Variants in BNC2 observed in about 807,000 individuals in gnomAD.
BNC2 encodes the protein zinc finger protein basonuclin-2.
BNC2 carries 20 observed loss-of-function variants against 76.3 expected under a neutral mutation model. The observed-to-expected ratio is 0.26, with a 90% CI of 0.18 to 0.38. The LOEUF is 0.38. Among genes scored for constraint, BNC2 ranks in the 10% least tolerant of loss-of-function variants. BNC2 has a pLI of 1.00. For missense variants in BNC2, 1,382 were observed against 1,399.8 expected (o/e 0.99, Z 0.20); for synonymous variants, 582 against 514.8 (o/e 1.13, Z -1.77).
intron 1 of BNC2, among the ~76,000 whole-genome samples, chr9:16,841,630 A>G (rs10810643): frequency 0.19 from 28,746 of 152,108 alleles, 3,136 homozygotes; most frequent in East Asian, 0.36. Flanking sequence ...GGTATTCACC[A>G]TGCCTTCTTA....
At chr9:16,730,345 A>G (rs1279512706) in intron 2 of BNC2, among the ~76,000 whole-genome samples, 1 of 152,176 alleles carries the variant, frequency 6.6e-6, no homozygotes, top group Non-Finnish European at 1.5e-5. Context: ...CATTAGGGCA[A>G]AACTGAGAAA....
intron 5 of BNC2, among the ~76,000 whole-genome samples, chr9:16,527,795 G>C (rs151244700): frequency 6.4e-4 from 98 of 152,288 alleles, no homozygotes; most frequent in African/African-American, 2.3e-3. Flanking sequence ...AGTTATTCAA[G>C]CACGAACAAC....
intron 3 of BNC2, chr9:16,685,437 A>C (rs1822946368): frequency 1.8e-6 from 1 of 565,022 alleles, no homozygotes; most frequent in Admixed American, 2.5e-5. Context: ...CTTTACACCT[A>C]ACTCAATGGT....
At chr9:16,590,714 G>C (rs1819904235) in intron 3 of BNC2, among the ~76,000 whole-genome samples, 3 of 152,058 alleles carry the variant, frequency 2.0e-5, no homozygotes. Flanking sequence ...GGCTGAGGCG[G>C]GAAGACTGCT....
intron 5 of BNC2, among the ~76,000 whole-genome samples, chr9:16,474,728 GA>G (rs1190470816): frequency 2.0e-5 from 3 of 151,718 alleles, no homozygotes; most frequent in Non-Finnish European, 4.4e-5. Context: ...AGCTTTCGTT[GA>G]AAAAAAATCA....
intron 1 of BNC2, among the ~76,000 whole-genome samples, chr9:16,758,928 A>T (rs10810613): frequency 0.25 from 37,259 of 151,948 alleles, 5,761 homozygotes; most frequent in East Asian, 0.76. Context: ...AATATTGTTT[A>T]AATTATCTTT....
In BNC2 at chr9:16,738,403, T is replaced by C. The variant is rs768447707; in HGVS notation, c.86A>G (p.Tyr29Cys). The C allele has an allele frequency of 6.2e-6, 10 of 1,614,058 alleles. No homozygotes were observed. In the East Asian group the frequency reaches 2.2e-4, roughly 36 times the overall value. The change falls in exon 2 of 7, where the codon TAT (tyrosine) becomes TGT (cysteine). Residue 29 changes from tyrosine to cysteine, a missense_variant. Coordinates refer to ENST00000380672, the MANE Select transcript of BNC2 (RefSeq NM_017637.6). ...DRLSEQDWPA[Y>C]FKVPCCGVDT... ...AACCCCACAACATGGGACCTTGAAA[T>C]ATGCTGGCCAGTCTTGCTCACTAAG...
intron 4 of BNC2, among the ~76,000 whole-genome samples, chr9:16,582,399 A>C (rs1819650694): frequency 6.6e-6 from 1 of 152,040 alleles, no homozygotes; most frequent in South Asian, 2.1e-4. Flanking sequence ...ACACACCTAC[A>C]CAGAGCTCAC....
intron 3 of BNC2, among the ~76,000 whole-genome samples, chr9:16,583,787 C>T (rs1317164847): frequency 1.3e-5 from 2 of 152,146 alleles, no homozygotes; most frequent in East Asian, 3.9e-4. Context: ...AGACATGGAA[C>T]AGAAAAAATC....
chr9:16,441,604 C>T (rs1385859234), intron 5 of BNC2, among the ~76,000 whole-genome samples: 1 of 152,134 alleles, frequency 6.6e-6, no homozygotes, highest in African/African-American at 2.4e-5. Flanking sequence ...AAGGTAACGA[C>T]CTCTATGCAT....
chr9:16,817,562 A>G (rs1272130223), intron 1 of BNC2, among the ~76,000 whole-genome samples: 2 of 152,210 alleles, frequency 1.3e-5, no homozygotes, highest in Non-Finnish European at 2.9e-5. Flanking sequence ...ATAAACCCAC[A>G]AGGCTGATGT....
At chr9:16,861,059 C>T (rs948268579) in intron 1 of BNC2, among the ~76,000 whole-genome samples, 3 of 150,482 alleles carry the variant, frequency 2.0e-5, no homozygotes, top group African/African-American at 7.4e-5. Context: ...AAGACAGCTG[C>T]GCACAGTCAC....
At chr9:16,582,951 A>G (rs1159973056) in intron 4 of BNC2, 32 bp downstream of exon 4, 2 of 1,481,302 alleles carry the variant, frequency 1.4e-6, no homozygotes, top group African/African-American at 2.8e-5. Flanking sequence ...GAACATAATA[A>G]GAACGGGAAG....
At chr9:16,477,434 C>T (rs1821951016) in intron 5 of BNC2, among the ~76,000 whole-genome samples, 1 of 151,794 alleles carries the variant, frequency 6.6e-6, no homozygotes, top group African/African-American at 2.4e-5. Context: ...GTCTAAGCAA[C>T]AGCCAAAGCT....
intron 5 of BNC2, among the ~76,000 whole-genome samples, chr9:16,471,557 GC>G (rs1821826132): frequency 6.6e-6 from 1 of 152,154 alleles, no homozygotes; most frequent in Non-Finnish European, 1.5e-5. Flanking sequence ...CACCCAAAGT[GC>G]CAGGATTACA....
chr9:16,695,582 C>T (rs1458154318), intron 3 of BNC2, among the ~76,000 whole-genome samples: 1 of 149,014 alleles, frequency 6.7e-6, no homozygotes, highest in African/African-American at 2.5e-5. Context: ...GCTAAGTTAC[C>T]CAGGCTGGTC....
intron 5 of BNC2, among the ~76,000 whole-genome samples, chr9:16,538,006 T>C (rs937646552): frequency 7.2e-5 from 11 of 152,212 alleles, no homozygotes; most frequent in Admixed American, 1.3e-4. Context: ...TTGAAAAACA[T>C]TTATGAAGAA....
At chr9:16,681,206 G>A (rs115942075) in intron 3 of BNC2, among the ~76,000 whole-genome samples, 165 of 152,226 alleles carry the variant, frequency 1.1e-3, no homozygotes, top group African/African-American at 3.7e-3. Flanking sequence ...TCCATGGACC[G>A]AAACTAAAAT....
At chr9:16,680,452 G>A (rs1468662495) in intron 3 of BNC2, among the ~76,000 whole-genome samples, 2 of 151,626 alleles carry the variant, frequency 1.3e-5, no homozygotes, top group Non-Finnish European at 2.9e-5. Context: ...GAAGGTAGCA[G>A]AAATAGTAAA....
Sources: gnomAD v4.1 joint callset for allele counts (sites outside exome capture counted in the v4.1 genomes callset) on GRCh38, gnomAD v4.1.1 for gene constraint, MANE v1.5 for transcripts, NCBI Gene and HGNC (gene_info 2026-07-23, HGNC 2026-07-21) for gene names.